The following NF1 variants were observed in gnomAD, a reference collection of about 807,000 sequenced individuals.
NF1 encodes the protein neurofibromin.
In NF1, 122 loss-of-function variants were observed where a neutral mutation model predicts 325.7. That is an observed-to-expected ratio of 0.37 (90% CI 0.32 to 0.44). The LOEUF (loss-of-function observed/expected upper bound fraction) is 0.44, where lower values mean the gene tolerates loss of function less well. NF1 is among the 20% of genes least tolerant of loss of function. The pLI is 1.00. For missense variants in NF1, 2,140 were observed against 3,415.4 expected, an observed-to-expected ratio of 0.63 and a Z score of 9.31; for synonymous variants, 1,091 against 1,186.0, an observed-to-expected ratio of 0.92 and a Z score of 1.65.
At chr17:31,158,193 G>T (rs902979298) in intron 2 of NF1, among the ~76,000 whole-genome samples, 1 of 151,800 alleles carries the variant, frequency 6.6e-6, no homozygotes, top group Non-Finnish European at 1.5e-5. Context: ...CTTTTTGTTC[G>T]CATCATCCTT....
At chr17:31,304,093 CTTT>C in intron 36 of NF1, 1 of 578,516 alleles carries the variant, frequency 1.7e-6, no homozygotes. Flanking sequence ...TGTTAAATAA[CTTT>C]TTTTAAAAAA....
At chr17:31,320,414 C>A (rs749064044) in intron 36 of NF1, 8 of 1,609,938 alleles carry the variant, frequency 5.0e-6, no homozygotes, top group East Asian at 2.2e-5. Flanking sequence ...TGTTTCCAAA[C>A]CAACTCCTAA....
intron 50 of NF1, among the ~76,000 whole-genome samples, chr17:31,350,773 T>C (rs1427184075): frequency 6.6e-6 from 1 of 152,230 alleles, no homozygotes; most frequent in African/African-American, 2.4e-5. Flanking sequence ...TAGACATAGA[T>C]GGTAAAAATT....
chr17:31,126,186 C>T (rs1914872388), intron 1 of NF1, among the ~76,000 whole-genome samples: 1 of 150,484 alleles, frequency 6.6e-6, no homozygotes, highest in African/African-American at 2.5e-5. Context: ...GACACTTCGT[C>T]TAAAAAAAAA....
intron 54 of NF1, chr17:31,357,734 A>AT: frequency 3.4e-6 from 1 of 292,830 alleles, no homozygotes; most frequent in South Asian, 3.7e-5. Flanking sequence ...TGAAAACAAA[A>AT]TTGACCTTCT....
intron 36 of NF1, chr17:31,318,380 T>A (rs1411420552): frequency 6.2e-7 from 1 of 1,614,066 alleles, no homozygotes; most frequent in South Asian, 1.1e-5. Context: ...AGCACTCCAG[T>A]AGATTGCATC....
chr17:31,156,222 T>G (rs2065659809), intron 2 of NF1, 96 bp downstream of exon 2: 1 of 1,417,786 alleles, frequency 7.1e-7, no homozygotes, highest in African/African-American at 1.4e-5. Flanking sequence ...GGAAAGTGAT[T>G]TTCTGTGGAC....
chr17:31,346,172 G>T, intron 48 of NF1: 1 of 1,611,528 alleles, frequency 6.2e-7, no homozygotes, highest in Non-Finnish European at 8.5e-7. Flanking sequence ...CACCTATTCA[G>T]TCCAAAGAAG....
intron 36 of NF1, among the ~76,000 whole-genome samples, chr17:31,287,259 G>C (rs1441291345): frequency 6.6e-6 from 1 of 152,234 alleles, no homozygotes; most frequent in South Asian, 2.1e-4. Context: ...CATTAAAATG[G>C]TTATATAGCA....
At chr17:31,130,577 T>G (rs1597595565) in intron 1 of NF1, among the ~76,000 whole-genome samples, 1 of 135,054 alleles carries the variant, frequency 7.4e-6, no homozygotes, top group African/African-American at 2.9e-5. Context: ...CAGTGGCCGG[T>G]AAGGGGTGGG....
At chr17:31,127,037 TTTATTGAGTAG>T (rs1440731435) in intron 1 of NF1, among the ~76,000 whole-genome samples, 1 of 152,140 alleles carries the variant, frequency 6.6e-6, no homozygotes, top group Non-Finnish European at 1.5e-5. Flanking sequence ...TTCCAGCCTA[TTTATTGAGTAG>T]TGCATTTTTT....
chr17:31,338,154 C>T lies in NF1; in HGVS notation c.6819+15C>T, dbSNP rs2151558481. 1.3e-6 allele frequency: 2 copies of T among 1,510,410 alleles called. No homozygotes were observed. The highest frequency in any genetic ancestry group is 2.3e-5 in the East Asian group (1 of 44,390). 93.6% of individuals were successfully genotyped at this position (1,510,410 alleles called of 1,614,324 possible). A position where few individuals can be genotyped will look rare whatever the true frequency, so the allele number is the denominator to read the frequency against. On this transcript the variant is annotated intron_variant, in intron 45 of 57. Coordinates refer to ENST00000358273, the MANE Select transcript of NF1 (RefSeq NM_001042492.3). Reference sequence around the variant, plus strand: ...TTCTTAGCAAGGTACCTGTTCCGCCCTCACTTCTCCCAAATATTTATGGTT... The same window carrying T: ...TTCTTAGCAAGGTACCTGTTCCGCCTTCACTTCTCCCAAATATTTATGGTT...
chr17:31,293,738 T>TA (rs36065302), intron 36 of NF1, among the ~76,000 whole-genome samples: 69,034 of 152,060 alleles, frequency 0.45, 18,755 homozygotes, highest in African/African-American at 0.76. Flanking sequence ...GATTCTGCCT[T>TA]ACGTCTCACA....
intron 8 of NF1, among the ~76,000 whole-genome samples, chr17:31,191,507 G>A (rs1317422075): frequency 6.6e-6 from 1 of 152,116 alleles, no homozygotes; most frequent in South Asian, 2.1e-4. Flanking sequence ...TATGCTAAGT[G>A]AAAGAAGCCA....
Position 31,229,234 on chromosome 17 carries a change from T to C in NF1, c.2619T>C (p.Arg873=), listed in dbSNP as rs766212733. The change falls in exon 21 of 58, where the codon CGT becomes CGC. Residue 873 remains arginine (R), a synonymous_variant. Coordinates refer to ENST00000358273, the MANE Select transcript of NF1 (RefSeq NM_001042492.3). The part of the protein sequence containing the change: ...YSPPMGPVSE[R]KGSMISVMSS... ...CACCCATGGGTCCAGTCAGTGAACG[T>C]AAGGGTTCTATGATTTCAGTGATGT... The C allele has an allele frequency of 1.7e-5, 27 of 1,612,302 alleles. 1 individual carries two copies. The highest frequency in any genetic ancestry group is 5.5e-5 in the South Asian group (5 of 91,006).
chr17:31,179,042 C>T (rs1201395353), intron 5 of NF1, among the ~76,000 whole-genome samples: 2 of 152,140 alleles, frequency 1.3e-5, no homozygotes, highest in Non-Finnish European at 2.9e-5. Context: ...AACTCTCCAC[C>T]CCAAATCAAC....
rs760649828 is a variant in NF1 at position 31,327,653 on chromosome 17, C to T, written c.5423C>T (p.Thr1808Met). 9.9e-6 allele frequency: 16 copies of T among 1,614,012 alleles called. No homozygotes were observed. Among genetic ancestry groups the T allele is most frequent in the East Asian group, 2.2e-5 (1 of 44,886 alleles). Residue 1808 changes from threonine (T) to methionine (M), a missense_variant, in exon 38 of 58, where the codon ACG becomes ATG. Around this residue, in one of 10 missense-constraint regions of NF1, gnomAD observed 147 missense variants for 186.7 expected, o/e 0.79. Transcript: ENST00000358273. Reference protein sequence around the residue: ...QFTLTIANQGTPLTFMHQECE... With the variant: ...QFTLTIANQGMPLTFMHQECE... ...ACCTTAACCATTGCAAACCAGGGCACGCCGCTCACCTTCATGCACCAGGAG... is the reference window on the plus strand; with the variant it reads ...ACCTTAACCATTGCAAACCAGGGCATGCCGCTCACCTTCATGCACCAGGAG...
At chr17:31,295,508 G>C (rs1415177478) in intron 36 of NF1, 1 of 1,614,068 alleles carries the variant, frequency 6.2e-7, no homozygotes, top group Non-Finnish European at 8.5e-7. Context: ...GAATAAGCTT[G>C]AGGTAAATCC....
At chr17:31,185,917 A>G (rs1401830434) in intron 8 of NF1, among the ~76,000 whole-genome samples, 1 of 152,188 alleles carries the variant, frequency 6.6e-6, no homozygotes, top group Non-Finnish European at 1.5e-5. Context: ...TTTTGGAGCA[A>G]GGCCCTGCCA....
Sources: gnomAD v4.1 joint callset for allele counts (sites outside exome capture counted in the v4.1 genomes callset) on GRCh38, gnomAD v4.1.1 for gene constraint, gnomAD v4.1.1 regional missense constraint, MANE v1.5 for transcripts, NCBI Gene and HGNC (gene_info 2026-07-23, HGNC 2026-07-21) for gene names.